Variants in NUP210L observed in about 807,000 individuals in gnomAD.
NUP210L encodes nuclear pore membrane glycoprotein 210-like.
NUP210L carries 74 observed loss-of-function variants against 208.5 expected under a neutral mutation model. The ratio of observed to expected loss-of-function variants is 0.35; its 90% CI spans 0.29 to 0.43. NUP210L has a LOEUF of 0.43. NUP210L is among the 20% of genes least tolerant of loss of function. The probability of loss-of-function intolerance (pLI) is 1.00; values close to 1 mark genes in which losing one functional copy is unlikely to be tolerated. For synonymous variants in NUP210L, 780 were observed against 816.9 expected, an observed-to-expected ratio of 0.95 and a Z score of 0.77; for missense variants, 1,843 against 2,289.4, an observed-to-expected ratio of 0.81 and a Z score of 3.98.
intron 34 of NUP210L, among the ~76,000 whole-genome samples, chr1:154,011,707 G>A (rs1184864305): frequency 3.3e-4 from 5 of 15,292 alleles, no homozygotes; most frequent in Non-Finnish European, 6.9e-4. Context: ...TTTTTTTTTT[G>A]AGATGGAGTC....
intron 17 of NUP210L, among the ~76,000 whole-genome samples, chr1:154,062,808 G>A (rs563072064): frequency 3.3e-5 from 5 of 151,900 alleles, no homozygotes; most frequent in Admixed American, 2.6e-4. Flanking sequence ...TTGAACTCCC[G>A]AGCTCAAGTG....
At chr1:154,026,282 G>C (rs1651873179) in intron 29 of NUP210L, among the ~76,000 whole-genome samples, 1 of 152,098 alleles carries the variant, frequency 6.6e-6, no homozygotes, top group Non-Finnish European at 1.5e-5. Flanking sequence ...AGGTATTCAG[G>C]TAAATACTTG....
intron 33 of NUP210L, among the ~76,000 whole-genome samples, chr1:154,017,300 G>T (rs577977078): frequency 6.6e-6 from 1 of 151,496 alleles, no homozygotes; most frequent in Non-Finnish European, 1.5e-5. Context: ...AAAAAAAAGG[G>T]GGGGGCTCAG....
chr1:154,054,249 G>T, exon 25 of NUP210L: 1 of 1,614,162 alleles, frequency 6.2e-7, no homozygotes, highest in African/African-American at 1.3e-5. Flanking sequence ...CAATGACTTT[G>T]CCAGTATCTT....
At chr1:153,995,502 C>G in intron 37 of NUP210L, 1 of 597,836 alleles carries the variant, frequency 1.7e-6, no homozygotes, top group Non-Finnish European at 3.0e-6. Flanking sequence ...CAGAGTAATA[C>G]AACTCTCTAA....
At chr1:154,007,866 G>C (rs1217685554) in intron 35 of NUP210L, among the ~76,000 whole-genome samples, 1 of 146,588 alleles carries the variant, frequency 6.8e-6, no homozygotes, top group Non-Finnish European at 1.5e-5. Flanking sequence ...GAGCCACTGC[G>C]CCCGGCCTTA....
chr1:154,042,718 G>A (rs566391861), intron 27 of NUP210L, among the ~76,000 whole-genome samples: 9 of 145,188 alleles, frequency 6.2e-5, no homozygotes, highest in African/African-American at 1.6e-4. Context: ...GTGAGCCACC[G>A]CGCCTGGCCT....
intron 33 of NUP210L, 125 bp downstream of exon 33, chr1:154,018,808 G>C (rs1651403161): frequency 9.2e-7 from 1 of 1,081,642 alleles, no homozygotes; most frequent in Admixed American, 2.3e-5. Flanking sequence ...AGTAAAGTTT[G>C]CTGGCTGGCT....
At chr1:154,132,687 A>T (rs557707303) in intron 7 of NUP210L, among the ~76,000 whole-genome samples, 114 of 151,722 alleles carry the variant, frequency 7.5e-4, no homozygotes, top group Non-Finnish European at 1.3e-3. Context: ...CACCTGGGGA[A>T]TTCAGGGAAG....
At chr1:154,006,966 A>ATATATATATATATATAT (rs1211789619) in intron 35 of NUP210L, among the ~76,000 whole-genome samples, 2 of 115,810 alleles carry the variant, frequency 1.7e-5, no homozygotes, top group Admixed American at 1.1e-4. Flanking sequence ...ATATATATAT[A>ATATATATATATATATAT]TTTTTTTTTT....
chr1:154,141,471 C>A (rs769879010), exon 4 of NUP210L: 1 of 1,613,150 alleles, frequency 6.2e-7, no homozygotes, highest in Non-Finnish European at 8.5e-7. Flanking sequence ...GACTCGTTGT[C>A]CTGGGCAATG....
chr1:154,151,166 T>C (rs1659360905), intron 2 of NUP210L, among the ~76,000 whole-genome samples: 1 of 151,938 alleles, frequency 6.6e-6, no homozygotes, highest in Non-Finnish European at 1.5e-5. Context: ...ATCGCATATG[T>C]GACCAAATCA....
At chr1:154,044,206 G>T (rs1328366777) in intron 27 of NUP210L, among the ~76,000 whole-genome samples, 1 of 151,614 alleles carries the variant, frequency 6.6e-6, no homozygotes, top group Non-Finnish European at 1.5e-5. Flanking sequence ...AGGAGTTTGA[G>T]ACCAGCCTTG....
chr1:154,045,739 C>T (rs1482870536), intron 27 of NUP210L, among the ~76,000 whole-genome samples: 2 of 151,892 alleles, frequency 1.3e-5, no homozygotes, highest in Non-Finnish European at 2.9e-5. Flanking sequence ...CCCAGCACTT[C>T]GGGAGGTCAC....
At chr1:154,022,366 G>A in intron 31 of NUP210L, 23 bp from the exon 32 acceptor site, 1 of 1,577,482 alleles carries the variant, frequency 6.3e-7, no homozygotes, top group South Asian at 1.1e-5. Context: ...ATTAAAGGTA[G>A]AAATCTTTAA....
chr1:154,117,592 A>T, intron 12 of NUP210L, 133 bp downstream of exon 12: 1 of 707,286 alleles, frequency 1.4e-6, no homozygotes, highest in Non-Finnish European at 2.3e-6. Context: ...TCCAAAAAAA[A>T]AAGTATTTCT....
At chr1:154,140,863 G>C (rs772192562) in intron 4 of NUP210L, among the ~76,000 whole-genome samples, 1 of 149,128 alleles carries the variant, frequency 6.7e-6, no homozygotes, top group Non-Finnish European at 1.5e-5. Flanking sequence ...GCGTGGTGGC[G>C]GGCTCCTGTA....
At chr1:154,091,738 T>A (rs1214479447) in intron 15 of NUP210L, among the ~76,000 whole-genome samples, 3 of 151,740 alleles carry the variant, frequency 2.0e-5, no homozygotes, top group Admixed American at 2.0e-4. Context: ...TGAACTCAAA[T>A]GATCTGCCCG....
At chr1:154,136,919 CAA>C (rs11374907) in intron 6 of NUP210L, among the ~76,000 whole-genome samples, 3 of 62,992 alleles carry the variant, frequency 4.8e-5, no homozygotes, top group African/African-American at 1.3e-4. Context: ...GAATCCATCT[CAA>C]AAAAAAAAAA....
Sources: allele counts gnomAD v4.1 joint callset (sites outside exome capture counted in the v4.1 genomes callset), GRCh38; gene constraint gnomAD v4.1.1; transcripts MANE v1.5; gene names NCBI Gene and HGNC (gene_info 2026-07-23, HGNC 2026-07-21).